TMEM108: variants seen among roughly 807,000 people sequenced by gnomAD.
TMEM108 encodes transmembrane protein 108.
Under a neutral mutation model 35.1 loss-of-function variants are expected in TMEM108, and 12 were observed. That is an observed-to-expected ratio of 0.34 (90% CI 0.22 to 0.55). TMEM108 has a LOEUF of 0.55. TMEM108 is among the 20% of genes least tolerant of loss of function. The pLI is 0.89. For synonymous variants in TMEM108, 287 were observed against 308.6 expected (o/e 0.93, Z 0.73); for missense variants, 680 against 753.3 (o/e 0.90, Z 1.14).
At position 133,278,365 on chromosome 3, in the gene TMEM108, C is replaced by T. The variant is rs369792821; in HGVS notation, c.40+49014C>T. Among the ~76,000 whole-genome samples the T allele has an allele frequency of 2.1e-4, 32 of 152,266 alleles. No homozygotes were observed. The South Asian group carries it at 4.4e-3, about 21-fold the overall frequency. On this transcript the variant is annotated intron_variant, in intron 3 of 5. Transcript: ENST00000321871. Reference sequence around the variant, plus strand: ...TTGTAAAATGGGGACACTGGTGTTCCATATAGTTGGTGGATTAATCAAGTG... The same window carrying T: ...TTGTAAAATGGGGACACTGGTGTTCTATATAGTTGGTGGATTAATCAAGTG...
chr3:133,184,400 T>C (rs986512373), intron 2 of TMEM108, among the ~76,000 whole-genome samples: 1 of 152,214 alleles, frequency 6.6e-6, no homozygotes, highest in Non-Finnish European at 1.5e-5. Context: ...ATTTCTTGCA[T>C]AAATCATCCT....
chr3:133,048,273 G>T (rs1434599929), intron 2 of TMEM108, among the ~76,000 whole-genome samples: 1 of 152,198 alleles, frequency 6.6e-6, no homozygotes, highest in Non-Finnish European at 1.5e-5. Context: ...TGCTAGTCCA[G>T]ATCAGTTTTT....
rs180719886 is a variant in TMEM108 at position 133,307,828 on chromosome 3, G to A, written c.41-71924G>A. 2.7e-4 allele frequency among the ~76,000 whole-genome samples: 41 copies of A among 152,208 alleles called. No homozygotes were observed. In the East Asian group the frequency reaches 7.5e-3, roughly 28 times the overall value. ...CCTCCAGCTTTGTTCTTTTTGCTTA[G>A]GATTGTCTTGGCGGGCCCTTTTTTG... is the stretch of plus-strand genomic sequence containing the variant. On this transcript the variant is annotated intron_variant, in intron 3 of 5. Coordinates refer to ENST00000321871, the MANE Select transcript of TMEM108 (RefSeq NM_023943.4).
At chr3:133,076,352 A>G (rs768494374) in intron 2 of TMEM108, among the ~76,000 whole-genome samples, 2 of 151,592 alleles carry the variant, frequency 1.3e-5, no homozygotes, top group East Asian at 3.9e-4. Flanking sequence ...CTCATTATGC[A>G]TGTAAAGAGA....
chr3:133,242,754 C>G (rs1044844756), intron 3 of TMEM108, among the ~76,000 whole-genome samples: 3 of 152,162 alleles, frequency 2.0e-5, no homozygotes. Context: ...ATCAGTGAGT[C>G]AGATTAACAC....
At chr3:133,256,110 A>G (rs1049099986) in intron 3 of TMEM108, among the ~76,000 whole-genome samples, 1 of 152,238 alleles carries the variant, frequency 6.6e-6, no homozygotes, top group Non-Finnish European at 1.5e-5. Flanking sequence ...ATAAAGGAAT[A>G]ATATTTAAAC....
chr3:133,084,651 T>G (rs367644020), intron 2 of TMEM108, among the ~76,000 whole-genome samples: 49 of 152,284 alleles, frequency 3.2e-4, no homozygotes, highest in African/African-American at 1.1e-3. Context: ...TTTACTATGG[T>G]CCAGGCACTG....
chr3:133,104,217 G>A (rs994865992), intron 2 of TMEM108, among the ~76,000 whole-genome samples: 4 of 152,076 alleles, frequency 2.6e-5, no homozygotes, highest in African/African-American at 9.7e-5. Flanking sequence ...CAAAACTTAG[G>A]GGGTTATTAA....
intron 3 of TMEM108, among the ~76,000 whole-genome samples, chr3:133,357,414 A>G (rs1029678742): frequency 1.3e-5 from 2 of 152,194 alleles, no homozygotes; most frequent in African/African-American, 4.8e-5. Flanking sequence ...CTATCCAGCA[A>G]TCCCTCTACT....
intron 3 of TMEM108, among the ~76,000 whole-genome samples, chr3:133,332,051 CAT>C (rs1226971155): frequency 5.3e-5 from 8 of 151,004 alleles, no homozygotes; most frequent in South Asian, 2.1e-4. Flanking sequence ...AACTTGTGCA[CAT>C]GTGTGCTTGT....
At chr3:133,266,165 T>C (rs1242713774) in intron 3 of TMEM108, among the ~76,000 whole-genome samples, 1 of 151,626 alleles carries the variant, frequency 6.6e-6, no homozygotes, top group Non-Finnish European at 1.5e-5. Context: ...CACCCAGCCT[T>C]ATCATCACTT....
At chr3:133,103,216 A>C (rs1944109668) in intron 2 of TMEM108, among the ~76,000 whole-genome samples, 1 of 152,236 alleles carries the variant, frequency 6.6e-6, no homozygotes, top group South Asian at 2.1e-4. Context: ...TGGATAAAGA[A>C]ATTGTGTACA....
intron 3 of TMEM108, among the ~76,000 whole-genome samples, chr3:133,326,060 C>A (rs1397614730): frequency 6.6e-6 from 1 of 152,164 alleles, no homozygotes; most frequent in Non-Finnish European, 1.5e-5. Flanking sequence ...GGTGGTTATA[C>A]TTTTATTCCC....
chr3:133,174,452 A>G (rs1196942019), intron 2 of TMEM108, among the ~76,000 whole-genome samples: 2 of 152,160 alleles, frequency 1.3e-5, no homozygotes, highest in African/African-American at 4.8e-5. Flanking sequence ...GACACCTCAC[A>G]TGGCCGGATA....
chr3:133,367,025 T>G (rs2072519865), intron 3 of TMEM108, among the ~76,000 whole-genome samples: 5 of 152,124 alleles, frequency 3.3e-5, no homozygotes, highest in Non-Finnish European at 1.5e-5. Flanking sequence ...CTTAGCGCCC[T>G]CCCCCTAACA....
chr3:133,273,245 G>A (rs530809415), intron 3 of TMEM108, among the ~76,000 whole-genome samples: 13 of 152,276 alleles, frequency 8.5e-5, no homozygotes, highest in Admixed American at 1.3e-4. Context: ...AATTAAATAT[G>A]TATGTGTTTT....
chr3:133,105,791 T>G (rs75604333), intron 2 of TMEM108, among the ~76,000 whole-genome samples: 4,677 of 152,320 alleles, frequency 0.031, 130 homozygotes, highest in South Asian at 0.064. Context: ...ACCTGAGTAC[T>G]TTTAAAAGTG....
chr3:133,075,230 G>C (rs770889309), intron 2 of TMEM108, among the ~76,000 whole-genome samples: 1 of 152,024 alleles, frequency 6.6e-6, no homozygotes, highest in Non-Finnish European at 1.5e-5. Flanking sequence ...CATTCCTCTG[G>C]GATATATACA....
intron 3 of TMEM108, among the ~76,000 whole-genome samples, chr3:133,235,370 A>G (rs1946220291): frequency 6.6e-6 from 1 of 152,194 alleles, no homozygotes; most frequent in African/African-American, 2.4e-5. Context: ...AGGCTGCAGT[A>G]ACCAAAACAG....
Sources: gnomAD v4.1 joint callset for allele counts (sites outside exome capture counted in the v4.1 genomes callset) on GRCh38, gnomAD v4.1.1 for gene constraint, MANE v1.5 for transcripts, NCBI Gene and HGNC (gene_info 2026-07-23, HGNC 2026-07-21) for gene names.